BICRAL: variants seen among roughly 807,000 people sequenced by gnomAD.
The protein encoded by BICRAL is BICRA like chromatin remodeling complex associated protein.
Under a neutral mutation model 91.8 loss-of-function variants are expected in BICRAL, and 8 were observed. The ratio of observed to expected loss-of-function variants is 0.09; its 90% CI spans 0.05 to 0.16. BICRAL has a LOEUF of 0.16. BICRAL is among the 10% of genes least tolerant of loss of function. The probability of loss-of-function intolerance (pLI) is 1.00; values close to 1 mark genes in which losing one functional copy is unlikely to be tolerated. For missense variants in BICRAL, 1,038 were observed against 1,310.9 expected (o/e 0.79, Z 3.21); for synonymous variants, 445 against 491.1 (o/e 0.91, Z 1.24).
chr6:42,780,056 C>CA (rs1370014315), upstream of BICRAL, among the ~76,000 whole-genome samples: 2 of 152,098 alleles, frequency 1.3e-5, no homozygotes. Context: ...ATGTGCCACA[C>CA]ATACCTGGCT....
At chr6:42,793,195 G>A (rs947824836) in intron 1 of BICRAL, among the ~76,000 whole-genome samples, 1 of 118,066 alleles carries the variant, frequency 8.5e-6, no homozygotes, top group African/African-American at 3.3e-5. Context: ...CCAGACTGGA[G>A]TGCATTGGCG....
intron 6 of BICRAL, among the ~76,000 whole-genome samples, chr6:42,833,044 C>G (rs1040150997): frequency 1.6e-4 from 24 of 151,390 alleles, no homozygotes; most frequent in African/African-American, 5.8e-4. Context: ...GCTATGTTAC[C>G]CAGGGTAGAC....
At chr6:42,852,574 AT>A in intron 7 of BICRAL, 1 of 364,578 alleles carries the variant, frequency 2.7e-6, no homozygotes, top group South Asian at 2.1e-5. Context: ...AGGCAGGAGA[AT>A]CGCTTGAACC....
chr6:42,842,399 A>C (rs1433589049), intron 6 of BICRAL, among the ~76,000 whole-genome samples: 1 of 152,102 alleles, frequency 6.6e-6, no homozygotes, highest in African/African-American at 2.4e-5. Flanking sequence ...CTCCTAAAAT[A>C]TTTGAACCAA....
At chr6:42,858,686 A>G (rs1399177865) in intron 10 of BICRAL, among the ~76,000 whole-genome samples, 2 of 151,820 alleles carry the variant, frequency 1.3e-5, no homozygotes, top group Non-Finnish European at 2.9e-5. Context: ...GCGTGGTGGC[A>G]CATGCCTGTA....
intron 1 of BICRAL, among the ~76,000 whole-genome samples, chr6:42,755,651 G>C (rs372087927): frequency 6.6e-6 from 1 of 150,700 alleles, no homozygotes; most frequent in African/African-American, 2.4e-5. Flanking sequence ...CTGGGACCTC[G>C]AGCCACCAGT....
intron 1 of BICRAL, among the ~76,000 whole-genome samples, chr6:42,786,568 AATTTACAGTATAGT>A (rs1220925962): frequency 6.6e-6 from 1 of 152,200 alleles, no homozygotes; most frequent in Non-Finnish European, 1.5e-5. Flanking sequence ...GCACTCATGA[AATTTACAGTATAGT>A]GGGGAAGGAC....
chr6:42,838,092 A>G (rs1394640204), intron 6 of BICRAL, among the ~76,000 whole-genome samples: 2 of 152,210 alleles, frequency 1.3e-5, no homozygotes, highest in Non-Finnish European at 2.9e-5. Context: ...TAACCATTTG[A>G]AAGTACTCTG....
intron 1 of BICRAL, among the ~76,000 whole-genome samples, chr6:42,795,172 C>T (rs1355137017): frequency 6.6e-6 from 1 of 152,170 alleles, no homozygotes; most frequent in Non-Finnish European, 1.5e-5. Flanking sequence ...TGGCTCACAC[C>T]TGTAATCCCA....
At chr6:42,750,894 TTTTTTTTTTTTTTTA>T (rs1294217601) in intron 1 of BICRAL, among the ~76,000 whole-genome samples, 20 of 74,706 alleles carry the variant, frequency 2.7e-4, no homozygotes, top group African/African-American at 4.4e-4. Context: ...TTTTTTTTTT[TTTTTTTTTTTTTTTA>T]ATACTTTAAG....
chr6:42,786,344 G>C (rs1235910006), intron 1 of BICRAL, among the ~76,000 whole-genome samples: 3 of 152,208 alleles, frequency 2.0e-5, no homozygotes, highest in Admixed American at 2.0e-4. Context: ...GTCCAGTCTA[G>C]ACCACTAGGT....
At chr6:42,826,287 T>G (rs1020275220) in intron 5 of BICRAL, among the ~76,000 whole-genome samples, 1 of 149,008 alleles carries the variant, frequency 6.7e-6, no homozygotes, top group African/African-American at 2.5e-5. Context: ...CAGGCTGAAG[T>G]GCAGTGGTGC....
rs1468305898 is a variant in BICRAL at position 42,770,884 on chromosome 6, T to TTTAG, written c.-260-10953_-260-10952insAGTT. ...TTTTGTATTTTTAGTAGAGACGGGGTTTCACCACGTTGGCCACGAACTCCT... is the reference window on the plus strand; with the variant it reads ...TTTTGTATTTTTAGTAGAGACGGGGTTTAGTTCACCACGTTGGCCACGAACTCCT... On this transcript the variant is annotated intron_variant, in intron 1 of 14. Coordinates refer to the BICRAL transcript ENST00000614467. 5.0e-3 allele frequency among the ~76,000 whole-genome samples: 756 copies of TTTAG among 150,490 alleles called. 5 individuals carry two copies. The highest frequency in any genetic ancestry group is 8.5e-3 in the Non-Finnish European group (578 of 67,716).
chr6:42,761,326 C>T (rs555443584), intron 1 of BICRAL, among the ~76,000 whole-genome samples: 177 of 151,296 alleles, frequency 1.2e-3, no homozygotes, highest in African/African-American at 4.0e-3. Context: ...CATGGTGGCA[C>T]GCACCTGTAA....
intron 6 of BICRAL, among the ~76,000 whole-genome samples, chr6:42,843,387 A>T (rs975238495): frequency 3.3e-5 from 5 of 152,162 alleles, no homozygotes; most frequent in African/African-American, 1.2e-4. Flanking sequence ...CGTTTAGGTG[A>T]GGCGAGTAGG....
intron 5 of BICRAL, among the ~76,000 whole-genome samples, chr6:42,825,516 G>A (rs1764269699): frequency 6.6e-6 from 1 of 151,336 alleles, no homozygotes. Flanking sequence ...AGTGAGCTGA[G>A]ATTGCGCCAC....
chr6:42,850,246 G>A (rs898419549), intron 6 of BICRAL, among the ~76,000 whole-genome samples: 1 of 152,234 alleles, frequency 6.6e-6, no homozygotes, highest in African/African-American at 2.4e-5. Flanking sequence ...GAGGCTGGGT[G>A]TAGTGGCTCA....
chr6:42,805,327 CA>C, intron 1 of BICRAL, among the ~76,000 whole-genome samples: 1 of 152,192 alleles, frequency 6.6e-6, no homozygotes, highest in East Asian at 1.9e-4. Flanking sequence ...GAATAGAGGG[CA>C]GGGGAAATAG....
intron 1 of BICRAL, among the ~76,000 whole-genome samples, chr6:42,752,398 G>T (rs1488897363): frequency 6.6e-6 from 1 of 152,214 alleles, no homozygotes; most frequent in Non-Finnish European, 1.5e-5. Context: ...CATCGTCCCT[G>T]TCCTCCTTAA....
Sources: gnomAD v4.1 joint callset for allele counts (sites outside exome capture counted in the v4.1 genomes callset) on GRCh38, gnomAD v4.1.1 for gene constraint, MANE v1.5 for transcripts, NCBI Gene and HGNC (gene_info 2026-07-23, HGNC 2026-07-21) for gene names.